The following GANC variants were observed in gnomAD, a reference collection of about 807,000 sequenced individuals.
The protein encoded by GANC is glucosidase alpha, neutral C.
GANC carries 117 observed loss-of-function variants against 124.2 expected under a neutral mutation model. That is an observed-to-expected ratio of 0.94 (90% CI 0.81 to 1.10). GANC has a LOEUF of 1.10. GANC is among the 50% of genes least tolerant of loss of function. The pLI is 0.00. For missense variants in GANC, 1,140 were observed against 1,095.0 expected, an observed-to-expected ratio of 1.04 and a Z score of -0.58; for synonymous variants, 377 against 376.8, an observed-to-expected ratio of 1.00 and a Z score of -0.01.
At chr15:42,326,269 G>T in intron 11 of GANC, 29 bp from the exon 12 acceptor site, 1 of 1,507,232 alleles carries the variant, frequency 6.6e-7, no homozygotes, top group South Asian at 1.1e-5. Context: ...TAAAACTGAT[G>T]AGACCTCCAA....
chr15:42,342,918 A>G (rs1016450279), intron 18 of GANC, among the ~76,000 whole-genome samples, 160 bp from the exon 19 acceptor site: 7 of 152,118 alleles, frequency 4.6e-5, no homozygotes, highest in Non-Finnish European at 8.8e-5. Context: ...CTATCAGTGC[A>G]TCTCTCTAAC....
intron 15 of GANC, 133 bp from the exon 16 acceptor site, chr15:42,338,256 A>G (rs577961297): frequency 3.7e-4 from 189 of 517,232 alleles, no homozygotes; most frequent in Admixed American, 2.3e-3. Flanking sequence ...AGAAAATTAG[A>G]ATTTATTTAT....
chr15:42,324,325 C>T (rs2052182856), intron 11 of GANC, among the ~76,000 whole-genome samples: 1 of 151,688 alleles, frequency 6.6e-6, no homozygotes. Flanking sequence ...CTTTGTGCAC[C>T]GTTGGTAGGA....
chr15:42,284,093 G>T, intron 3 of GANC: 1 of 665,138 alleles, frequency 1.5e-6, no homozygotes, highest in South Asian at 1.7e-5. Context: ...TAGGTTAACA[G>T]TTCTTTACAT....
At chr15:42,323,975 A>G (rs1041460481) in intron 11 of GANC, among the ~76,000 whole-genome samples, 3 of 152,202 alleles carry the variant, frequency 2.0e-5, no homozygotes, top group African/African-American at 7.2e-5. Context: ...GGATCTGACC[A>G]GAAAGGTTGG....
intron 11 of GANC, among the ~76,000 whole-genome samples, chr15:42,323,351 G>GA (rs1298653407): frequency 1.3e-5 from 2 of 152,152 alleles, no homozygotes; most frequent in African/African-American, 4.8e-5. Context: ...AGTGAGTGAA[G>GA]AAAAGGCAAG....
At chr15:42,297,294 A>T (rs1331321468) in intron 5 of GANC, among the ~76,000 whole-genome samples, 1 of 152,208 alleles carries the variant, frequency 6.6e-6, no homozygotes, top group Non-Finnish European at 1.5e-5. Context: ...ATTAATGTTC[A>T]TCATTACTGT....
chr15:42,307,217 C>T (rs1375289417), intron 7 of GANC, among the ~76,000 whole-genome samples: 2 of 152,114 alleles, frequency 1.3e-5, no homozygotes, highest in Non-Finnish European at 2.9e-5. Context: ...TTAAAATTCC[C>T]ATTCTAGCCA....
intron 5 of GANC, among the ~76,000 whole-genome samples, chr15:42,293,653 T>C (rs1472893544): frequency 6.6e-6 from 1 of 151,652 alleles, no homozygotes; most frequent in East Asian, 1.9e-4. Flanking sequence ...TCTCTCCACC[T>C]ACTCTCTTAG....
Position 42,338,458 on chromosome 15 carries a change from C to T in GANC, c.1811C>T (p.Thr604Ile), listed in dbSNP as rs1214751070. 2 of 1,613,766 alleles carry T rather than the reference C, an allele frequency of 1.2e-6. No individual in the cohort carries two copies. Among genetic ancestry groups the T allele is most frequent in the African/African-American group, 1.3e-5 (1 of 74,920 alleles). The change falls in exon 16 of 24, where the codon ACT (threonine) becomes ATT (isoleucine). Residue 604 changes from threonine (T) to isoleucine (I), a missense_variant. By Grantham distance (89) the Thr-to-Ile change is moderately conservative. Transcript: ENST00000318010. Reference protein sequence around the residue: ...NLKISIPMLLTLSITGISFCG... With the variant: ...NLKISIPMLLILSITGISFCG... ...AAAATTTCTATCCCAATGTTACTCACTCTCAGCATTACTGGGATCTCTTTT... is the reference window on the plus strand; with the variant it reads ...AAAATTTCTATCCCAATGTTACTCATTCTCAGCATTACTGGGATCTCTTTT...
Position 42,321,982 on chromosome 15 carries a change from A to C in GANC, c.1255A>C (p.Lys419Gln), listed in dbSNP as rs1280804978. 6.2e-7 allele frequency: 1 copy of C among 1,613,778 alleles called. No individual in the cohort carries two copies. The highest frequency in any genetic ancestry group is 8.5e-7 in the Non-Finnish European group (1 of 1,179,854). The change falls in exon 11 of 24, where the codon AAG becomes CAG. Residue 419 changes from lysine (K) to glutamine (Q), a missense_variant. By Grantham distance (53) the Lys-to-Gln change is moderately conservative. Transcript: ENST00000318010. ...TWDKNRFPNP[K>Q]RMQELLRSKK... ...GGACAAAAACAGATTCCCAAACCCCAAGAGGATGCAAGAGCTGCTCAGGAG... is the reference window on the plus strand; with the variant it reads ...GGACAAAAACAGATTCCCAAACCCCCAGAGGATGCAAGAGCTGCTCAGGAG...
rs771905470 is a variant in GANC at position 42,287,720 on chromosome 15, A to G, written c.231A>G (p.Ile77Met). Residue 77 changes from isoleucine (I) to methionine (M), a missense_variant, in exon 4 of 24, where the codon ATA becomes ATG. Physicochemically the swap from Ile to Met is conservative, Grantham distance 10 (BLOSUM62 1). Coordinates refer to ENST00000318010, the MANE Select transcript of GANC (RefSeq NM_198141.3). ...CTCTCCTGGCTGAAATTTATGGTAT[A>G]GAAGGAAACATTTTCAGGCTTAAAA... is the stretch of plus-strand genomic sequence containing the variant. ...KVPLLAEIYG[I>M]EGNIFRLKIN... is the part of the protein sequence containing the mutation. 3.7e-6 allele frequency: 6 copies of G among 1,612,846 alleles called. No individual in the cohort carries two copies. Among genetic ancestry groups the G allele is most frequent in the Non-Finnish European group, 3.4e-6 (4 of 1,179,380 alleles).
At chr15:42,317,598 C>T (rs1398780939) in intron 10 of GANC, among the ~76,000 whole-genome samples, 2 of 152,050 alleles carry the variant, frequency 1.3e-5, no homozygotes, top group African/African-American at 4.8e-5. Flanking sequence ...ATGTAATATG[C>T]CATAAAAACC....
chr15:42,281,393 C>T (rs2051732621), intron 3 of GANC, among the ~76,000 whole-genome samples: 1 of 151,514 alleles, frequency 6.6e-6, no homozygotes, highest in Admixed American at 6.6e-5. Context: ...AGTGAAAGAG[C>T]CTCTATTAGG....
At chr15:42,304,768 T>C (rs1295088244) in intron 6 of GANC, among the ~76,000 whole-genome samples, 4 of 152,148 alleles carry the variant, frequency 2.6e-5, no homozygotes, top group East Asian at 1.9e-4. Context: ...AAAACAGATA[T>C]GTAGACCAAT....
intron 3 of GANC, chr15:42,283,665 C>T (rs780044788): frequency 1.4e-6 from 1 of 702,586 alleles, no homozygotes; most frequent in Non-Finnish European, 2.6e-6. Flanking sequence ...TCCGAGGATG[C>T]AGGAATATCT....
intron 15 of GANC, among the ~76,000 whole-genome samples, chr15:42,337,523 CAT>C (rs1466830097): frequency 6.6e-6 from 1 of 152,014 alleles, no homozygotes; most frequent in Non-Finnish European, 1.5e-5. Context: ...CACGTGGACA[CAT>C]AGAGGGGAAC....
intron 16 of GANC, 57 bp downstream of exon 16, chr15:42,338,547 C>A (rs1051653810): frequency 1.6e-6 from 2 of 1,237,810 alleles, no homozygotes; most frequent in Admixed American, 1.7e-5. Flanking sequence ...AGGGTGTTTT[C>A]ATCAAAGCTG....
intron 10 of GANC, among the ~76,000 whole-genome samples, chr15:42,313,033 C>T (rs371847247): frequency 6.6e-6 from 1 of 152,062 alleles, no homozygotes; most frequent in Non-Finnish European, 1.5e-5. Context: ...AACCCATACG[C>T]TTATGGCCAC....
Sources: allele counts gnomAD v4.1 joint callset (sites outside exome capture counted in the v4.1 genomes callset), GRCh38; gene constraint gnomAD v4.1.1; transcripts MANE v1.5; gene names NCBI Gene and HGNC (gene_info 2026-07-23, HGNC 2026-07-21).